Variants in GRID2 observed in about 807,000 individuals in gnomAD.
GRID2 encodes the protein glutamate receptor ionotropic, delta-2.
In GRID2, 33 loss-of-function variants were observed where a neutral mutation model predicts 114.8. That is an observed-to-expected ratio of 0.29 (90% CI 0.22 to 0.38). The LOEUF (loss-of-function observed/expected upper bound fraction) is 0.38. Among genes scored for constraint, GRID2 ranks in the 10% least tolerant of loss-of-function variants. The probability of loss-of-function intolerance (pLI) is 1.00; values close to 1 mark genes in which losing one functional copy is unlikely to be tolerated. For missense variants in GRID2, 1,184 were observed against 1,257.7 expected, an observed-to-expected ratio of 0.94 and a Z score of 0.89; for synonymous variants, 505 against 449.9, an observed-to-expected ratio of 1.12 and a Z score of -1.55.
At chr4:92,648,651 A>C (rs1731763603) in intron 2 of GRID2, among the ~76,000 whole-genome samples, 1 of 149,262 alleles carries the variant, frequency 6.7e-6, no homozygotes, top group Non-Finnish European at 1.5e-5. Flanking sequence ...GCAATGGTCA[A>C]ACAAGCGGTT....
rs62310061 is a variant in GRID2 at position 93,486,564 on chromosome 4, C to G, written c.1859-4075C>G. Among the ~76,000 whole-genome samples, 80 of 151,644 alleles carry G rather than the reference C, an allele frequency of 5.3e-4. 1 individual carries two copies. Among genetic ancestry groups the G allele is most frequent in the Non-Finnish European group, 9.2e-4 (62 of 67,678 alleles). ...CTAGGTTTGTTTTGGTTTTGTTTTT[C>G]TAAGACTGGATGTTGAACTTTATCT... On this transcript the variant is annotated intron_variant, in intron 11 of 15. Transcript: ENST00000282020.
intron 1 of GRID2, among the ~76,000 whole-genome samples, chr4:92,459,962 C>A (rs1357087171): frequency 3.4e-5 from 5 of 145,524 alleles, no homozygotes; most frequent in Admixed American, 2.8e-4. Context: ...CTCCAGCCTG[C>A]TGGCCTGCCC....
chr4:92,750,150 C>T (rs949595908), intron 2 of GRID2, among the ~76,000 whole-genome samples: 11 of 152,252 alleles, frequency 7.2e-5, no homozygotes, highest in Admixed American at 1.3e-4. Context: ...TATGAGCCAC[C>T]GCACCTGGCC....
intron 1 of GRID2, among the ~76,000 whole-genome samples, chr4:92,391,413 G>A (rs958370088): frequency 2.6e-5 from 4 of 152,032 alleles, no homozygotes; most frequent in Admixed American, 6.6e-5. Flanking sequence ...CTTGTGCTTA[G>A]TGTGAATATA....
chr4:92,512,814 C>T (rs1724322104), intron 1 of GRID2, among the ~76,000 whole-genome samples: 1 of 151,644 alleles, frequency 6.6e-6, no homozygotes, highest in South Asian at 2.1e-4. Flanking sequence ...AAAGATTGAC[C>T]CTGAGAACGT....
At chr4:93,682,013 AT>A (rs1725601590) in intron 14 of GRID2, among the ~76,000 whole-genome samples, 1 of 151,524 alleles carries the variant, frequency 6.6e-6, no homozygotes, top group Admixed American at 6.6e-5. Context: ...ATGGGAGAAA[AT>A]TTTCACAACC....
chr4:93,771,617 A>C (rs916745219), intron 15 of GRID2, among the ~76,000 whole-genome samples: 5 of 152,188 alleles, frequency 3.3e-5, no homozygotes, highest in African/African-American at 1.2e-4. Context: ...ATTTTTTTCA[A>C]GAATGGAAAC....
chr4:92,323,217 C>A (rs1276917825), intron 1 of GRID2, among the ~76,000 whole-genome samples: 1 of 152,044 alleles, frequency 6.6e-6, no homozygotes, highest in Non-Finnish European at 1.5e-5. Flanking sequence ...TTTTACAGAA[C>A]TCTATTATAA....
chr4:92,320,578 G>T (rs1726259624), intron 1 of GRID2, among the ~76,000 whole-genome samples: 1 of 151,962 alleles, frequency 6.6e-6, no homozygotes, highest in African/African-American at 2.4e-5. Flanking sequence ...AGGTTCCAGT[G>T]ATTCTCTTGC....
chr4:93,741,159 CTA>C (rs879839195), intron 14 of GRID2, among the ~76,000 whole-genome samples: 2,867 of 46,520 alleles, frequency 0.062, 107 homozygotes, highest in Middle Eastern at 0.18. Context: ...ACCTGAGAAA[CTA>C]TATATATATA....
chr4:93,173,358 G>C (rs1739034220), intron 4 of GRID2, among the ~76,000 whole-genome samples: 1 of 152,034 alleles, frequency 6.6e-6, no homozygotes, highest in African/African-American at 2.4e-5. Context: ...ACAGCTATGA[G>C]TCTTTCATCT....
intron 6 of GRID2, among the ~76,000 whole-genome samples, chr4:93,217,978 A>T (rs1358091593): frequency 1.3e-5 from 2 of 151,902 alleles, no homozygotes; most frequent in African/African-American, 4.8e-5. Flanking sequence ...ACCCTAGGAA[A>T]ACTAGTTCCT....
chr4:93,486,618 A>C (rs1726432212), intron 11 of GRID2, among the ~76,000 whole-genome samples: 1 of 151,798 alleles, frequency 6.6e-6, no homozygotes, highest in Non-Finnish European at 1.5e-5. Flanking sequence ...CCAAGATCAT[A>C]TAATTTTTCT....
intron 13 of GRID2, among the ~76,000 whole-genome samples, chr4:93,565,754 C>T (rs1011748769): frequency 7.2e-5 from 11 of 152,120 alleles, no homozygotes; most frequent in Admixed American, 5.9e-4. Flanking sequence ...TTCTCATTCT[C>T]CAGGTTTAAA....
chr4:92,350,983 C>T (rs550807687), intron 1 of GRID2, among the ~76,000 whole-genome samples: 9 of 151,684 alleles, frequency 5.9e-5, no homozygotes, highest in Admixed American at 3.9e-4. Flanking sequence ...AAAGTTCATC[C>T]GTTATGTAGC....
chr4:92,364,005 A>C (rs1728738878), intron 1 of GRID2, among the ~76,000 whole-genome samples: 1 of 151,742 alleles, frequency 6.6e-6, no homozygotes, highest in Non-Finnish European at 1.5e-5. Context: ...TTTTTAGTAG[A>C]GATGGGGATT....
intron 2 of GRID2, among the ~76,000 whole-genome samples, chr4:92,635,013 G>C (rs1389589272): frequency 6.6e-6 from 1 of 152,072 alleles, no homozygotes; most frequent in Non-Finnish European, 1.5e-5. Context: ...CACAGTCACT[G>C]TGCCAAAAGC....
At chr4:92,620,682 A>G (rs560746124) in intron 2 of GRID2, among the ~76,000 whole-genome samples, 4 of 151,732 alleles carry the variant, frequency 2.6e-5, no homozygotes, top group African/African-American at 9.6e-5. Flanking sequence ...CACTTTGCAT[A>G]TAATAGGAAA....
At chr4:92,674,964 AT>A (rs1304029492) in intron 2 of GRID2, among the ~76,000 whole-genome samples, 2 of 151,738 alleles carry the variant, frequency 1.3e-5, no homozygotes, top group Non-Finnish European at 1.5e-5. Context: ...TTATGGTCAT[AT>A]TTTTGCTTCT....
Sources: gnomAD v4.1 joint callset for allele counts (sites outside exome capture counted in the v4.1 genomes callset) on GRCh38, gnomAD v4.1.1 for gene constraint, MANE v1.5 for transcripts, NCBI Gene and HGNC (gene_info 2026-07-23, HGNC 2026-07-21) for gene names.